ZNF595: variants seen among roughly 807,000 people sequenced by gnomAD.
ZNF595 encodes the protein zinc finger protein 595.
In ZNF595, 9 loss-of-function variants were observed where a neutral mutation model predicts 19.4. The ratio of observed to expected loss-of-function variants is 0.46; its 90% CI spans 0.28 to 0.81. The LOEUF (loss-of-function observed/expected upper bound fraction) is 0.81. Ranked by LOEUF, ZNF595 falls within the 30% of genes least tolerant of loss-of-function variation. ZNF595 has a pLI of 0.11. For synonymous variants in ZNF595, 255 were observed against 255.9 expected (o/e 1.00, Z 0.03); for missense variants, 729 against 736.0 (o/e 0.99, Z 0.11).
At position 75,218 on chromosome 4, in the gene ZNF595, AT is replaced by A. The variant is rs1713598919; in HGVS notation, c.227-10507del. 5.9e-5 allele frequency among the ~76,000 whole-genome samples: 9 copies of A among 152,264 alleles called. No individual in the cohort carries two copies. The South Asian group carries it at 1.7e-3, about 28-fold the overall frequency. On this transcript the variant is annotated intron_variant, in intron 3 of 3. Transcript: ENST00000610261. ...TATTCAAACATTTTGTAAATGCTTT[AT>A]TTTTTGCTTCAATAACAATATCCTA...
At position 87,248 on chromosome 4, in the gene ZNF595, CAT is replaced by C. The variant is rs782061411; in HGVS notation, c.1746_1747del (p.His582GlnfsTer13). On this transcript the variant is annotated frameshift_variant, in exon 4 of 4. Coordinates refer to ENST00000610261, the MANE Select transcript of ZNF595 (RefSeq NM_182524.4). LOFTEE classifies it high-confidence loss of function. The part of the protein sequence containing the change: ...AYNLSSTLTK[H>X]KRIHTGEKPF... ...TAACTTATCCTCAACCCTTACTAAA[CAT>C]AAGAGAATTCATACTGGAGAGAAAC... 6.3e-7 allele frequency: 1 copy of C among 1,594,798 alleles called. No individual in the cohort carries two copies. Among genetic ancestry groups the C allele is most frequent in the South Asian group, 1.1e-5 (1 of 90,254 alleles).
Position 86,411 on chromosome 4 carries a change from A to G in ZNF595, c.907A>G (p.Lys303Glu), listed in dbSNP as rs1227785143. ...FRWSTSLNEH[K>E]NIHTGEKPYK... Reference sequence around the variant, plus strand: ...ATGGTCCACAAGCCTGAATGAACATAAGAATATTCATACTGGAGAGAAACC... The same window carrying G: ...ATGGTCCACAAGCCTGAATGAACATGAGAATATTCATACTGGAGAGAAACC... Residue 303 changes from lysine (K) to glutamate (E), a missense_variant, in exon 4 of 4, where the codon AAG (lysine) becomes GAG (glutamate). Coordinates refer to ENST00000610261, the MANE Select transcript of ZNF595 (RefSeq NM_182524.4). 2.5e-6 allele frequency: 4 copies of G among 1,613,544 alleles called. No homozygotes were observed. The highest frequency in any genetic ancestry group is 3.4e-6 in the Non-Finnish European group (4 of 1,179,622).
chr4:80,891 G>A (rs1312409727), intron 3 of ZNF595, among the ~76,000 whole-genome samples: 1 of 151,550 alleles, frequency 6.6e-6, no homozygotes, highest in South Asian at 2.1e-4. Context: ...GTATACATGC[G>A]CCATGGTGGT....
At chr4:74,970 A>T (rs1396452859) in intron 3 of ZNF595, among the ~76,000 whole-genome samples, 1 of 152,014 alleles carries the variant, frequency 6.6e-6, no homozygotes, top group Non-Finnish European at 1.5e-5. Context: ...TTTATTTGTT[A>T]TATTATTTTG....
At chr4:81,017 T>C (rs1553799809) in intron 3 of ZNF595, among the ~76,000 whole-genome samples, 1 of 152,058 alleles carries the variant, frequency 6.6e-6, no homozygotes, top group Non-Finnish European at 1.5e-5. Flanking sequence ...CGGTGTGTGA[T>C]GTTCCTTCCC....
At chr4:82,371 GGTTTTTTTTTTTTTTTTT>G (rs1196307353) in intron 3 of ZNF595, among the ~76,000 whole-genome samples, 1 of 97,714 alleles carries the variant, frequency 1.0e-5, no homozygotes, top group African/African-American at 3.7e-5. Flanking sequence ...TTTGGTTTGT[GGTTTTTTTTTTTTTTTTT>G]TTTTTTTTTT....
rs145212632 is a variant in ZNF595 at position 71,361 on chromosome 4, T to C, written c.226+11208T>C. On this transcript the variant is annotated intron_variant, in intron 3 of 3. Transcript: ENST00000610261. ...GTTCTGGCTGGCACTTCCAATACTA[T>C]GTCGAATAACAGTGGTGAAAGTATG... is the stretch of plus-strand genomic sequence containing the variant. Among the ~76,000 whole-genome samples the C allele has an allele frequency of 4.5e-3, 682 of 152,338 alleles. 3 individuals are homozygous for C. The highest frequency in any genetic ancestry group is 0.015 in the African/African-American group (632 of 41,578).
chr4:64,659 G>T (rs1581328504), intron 3 of ZNF595, among the ~76,000 whole-genome samples: 3 of 152,316 alleles, frequency 2.0e-5, no homozygotes, highest in South Asian at 2.1e-4. Context: ...AACCTATTTT[G>T]AACATTAAGT....
At position 85,864 on chromosome 4, in the gene ZNF595, G is replaced by C. The variant is rs1553801037; in HGVS notation, c.360G>C (p.Val120=). 6.2e-7 allele frequency: 1 copy of C among 1,614,064 alleles called. No individual in the cohort carries two copies. The highest frequency in any genetic ancestry group is 1.7e-5 in the Admixed American group (1 of 60,016). Residue 120 remains valine (V), a synonymous_variant, in exon 4 of 4, where the codon GTG becomes GTC. Transcript: ENST00000610261. ...NLQLRKGCKR[V]NECKVQKGVN... ...AATTAAGAAAAGGCTGTAAACGTGT[G>C]AATGAGTGTAAGGTGCAGAAAGGAG...
chr4:60,688 C>T (rs1421380265), intron 3 of ZNF595, among the ~76,000 whole-genome samples: 2 of 152,296 alleles, frequency 1.3e-5, no homozygotes, highest in African/African-American at 2.4e-5. Context: ...TATACATGTG[C>T]CATGCTGGTG....
intron 3 of ZNF595, chr4:68,331 T>A (rs1713270779): frequency 1.3e-5 from 2 of 153,370 alleles, no homozygotes; most frequent in Admixed American, 1.3e-4. Flanking sequence ...ACATTTCTCT[T>A]TGTCTCCTGA....
intron 3 of ZNF595, among the ~76,000 whole-genome samples, chr4:73,472 T>C (rs150295220): frequency 6.6e-6 from 1 of 152,284 alleles, no homozygotes; most frequent in East Asian, 1.9e-4. Context: ...GACAAAATTA[T>C]TTGTTTATGA....
intron 3 of ZNF595, among the ~76,000 whole-genome samples, chr4:66,456 T>C (rs1274201348): frequency 2.6e-5 from 4 of 152,118 alleles, no homozygotes; most frequent in African/African-American, 9.7e-5. Flanking sequence ...TTTAATGTAG[T>C]CCTACTTTTC....
intron 3 of ZNF595, among the ~76,000 whole-genome samples, chr4:82,372 GTTTTTTTTTTTTTTT>G (rs34932652): frequency 2.3e-5 from 2 of 85,922 alleles, no homozygotes; most frequent in Admixed American, 2.7e-4. Context: ...TTGGTTTGTG[GTTTTTTTTTTTTTTT>G]TTTTTTTTTT....
chr4:83,058 T>TAC (rs576837179), intron 3 of ZNF595, among the ~76,000 whole-genome samples: 355 of 151,472 alleles, frequency 2.3e-3, no homozygotes, highest in Non-Finnish European at 4.1e-3. Context: ...AAGACACACA[T>TAC]ACACACACAC....
In ZNF595 at chr4:87,258, T is replaced by C; in HGVS notation, c.1754T>C (p.Ile585Thr). 6.3e-7 allele frequency: 1 copy of C among 1,594,700 alleles called. No individual in the cohort carries two copies. Among genetic ancestry groups the C allele is most frequent in the Non-Finnish European group, 8.6e-7 (1 of 1,167,456 alleles). ...LSSTLTKHKR[I>T]HTGEKPFTCE... ...TCAACCCTTACTAAACATAAGAGAA[T>C]TCATACTGGAGAGAAACCCTTCACA... The change falls in exon 4 of 4, where the codon ATT (isoleucine) becomes ACT (threonine). Residue 585 changes from isoleucine to threonine, a missense_variant. Coordinates refer to ENST00000610261, the MANE Select transcript of ZNF595 (RefSeq NM_182524.4).
At position 86,121 on chromosome 4, in the gene ZNF595, G is replaced by T. The variant is rs558699720; in HGVS notation, c.617G>T (p.Gly206Val). Residue 206 changes from glycine to valine, a missense_variant, in exon 4 of 4, where the codon GGC becomes GTC. Physicochemically the swap from Gly to Val is moderately radical, Grantham distance 109. Transcript: ENST00000610261. ...GEKPYKCEKCGKAFNRSTSLS... is the reference protein window; with the variant it reads ...GEKPYKCEKCVKAFNRSTSLS... ...AAACCCTACAAATGTGAAAAATGTG[G>T]CAAAGCCTTTAATAGGTCCACATCA... The T allele has an allele frequency of 3.1e-6, 5 of 1,613,554 alleles. No individual in the cohort carries two copies. The highest frequency in any genetic ancestry group is 4.2e-6 in the Non-Finnish European group (5 of 1,179,800).
intron 3 of ZNF595, among the ~76,000 whole-genome samples, chr4:82,473 C>G (rs1553800204): frequency 6.7e-6 from 1 of 148,668 alleles, no homozygotes; most frequent in Non-Finnish European, 1.5e-5. Flanking sequence ...AACCCTCTGC[C>G]TCCCAGGTTC....
Position 87,429 on chromosome 4 carries a change from A to C in ZNF595, c.1925A>C (p.His642Pro), listed in dbSNP as rs782366168. 2.5e-6 allele frequency: 4 copies of C among 1,599,136 alleles called. No individual in the cohort carries two copies. Among genetic ancestry groups the C allele is most frequent in the Non-Finnish European group, 3.4e-6 (4 of 1,172,416 alleles). The change falls in exon 4 of 4, where the codon CAT (histidine) becomes CCT (proline). Residue 642 changes from histidine (H) to proline (P), a missense_variant. His to Pro is a moderately conservative substitution (Grantham distance 77). Coordinates refer to ENST00000610261, the MANE Select transcript of ZNF595 (RefSeq NM_182524.4). Reference sequence around the variant, plus strand: ...ACCCTTACTGTACACAAGCGAATTCATACTGGCAAGGAACATAGTTGAATG... The same window carrying C: ...ACCCTTACTGTACACAAGCGAATTCCTACTGGCAAGGAACATAGTTGAATG... ...PSTLTVHKRI[H>P]TGKEHS
Sources: allele counts gnomAD v4.1 joint callset (sites outside exome capture counted in the v4.1 genomes callset), GRCh38; gene constraint gnomAD v4.1.1; transcripts MANE v1.5; gene names NCBI Gene and HGNC (gene_info 2026-07-23, HGNC 2026-07-21).